Variants in ADAM12 observed in about 807,000 individuals in gnomAD.
ADAM12 encodes disintegrin and metalloproteinase domain-containing protein 12.
A neutral mutation model predicts 106.4 loss-of-function variants in ADAM12; 70 were observed. The ratio of observed to expected loss-of-function variants is 0.66; its 90% CI spans 0.54 to 0.80. The LOEUF is 0.80. Ranked by LOEUF, ADAM12 falls within the 30% of genes least tolerant of loss-of-function variation. The pLI, the probability that ADAM12 is intolerant of heterozygous loss-of-function variation, is 0.00. For missense variants in ADAM12, 1,010 were observed against 1,171.9 expected (o/e 0.86, Z 2.02); for synonymous variants, 420 against 433.5 (o/e 0.97, Z 0.39).
chr10:126,155,616 G>A lies in ADAM12; in HGVS notation c.261-311C>T, dbSNP rs188461359. ...ACACTGGGTGCACACACTTGCAAAG[G>A]CACACATTTGTCACACACATATACT... On this transcript the variant is annotated intron_variant, in intron 3 of 22. Transcript: ENST00000448723. 1.4e-3 allele frequency among the ~76,000 whole-genome samples: 219 copies of A among 152,144 alleles called. 2 individuals are homozygous for A. The highest frequency in any genetic ancestry group is 2.1e-3 in the Non-Finnish European group (143 of 68,004).
At chr10:126,097,992 A>G (rs975884667) in intron 10 of ADAM12, among the ~76,000 whole-genome samples, 2 of 152,220 alleles carry the variant, frequency 1.3e-5, no homozygotes, top group African/African-American at 4.8e-5. Context: ...AAAACCTCAG[A>G]CTTTGGGCCA....
Position 126,339,632 on chromosome 10 carries a change from T to C in ADAM12, c.89-9123A>G, listed in dbSNP as rs575509536. On this transcript the variant is annotated intron_variant, in intron 1 of 22. Transcript: ENST00000448723. ...GCAAACATCTATGACAGGTTTCTCATCAAGAGAACATGAATGTGAAAACCC... is the reference window on the plus strand; with the variant it reads ...GCAAACATCTATGACAGGTTTCTCACCAAGAGAACATGAATGTGAAAACCC... Among the ~76,000 whole-genome samples, 4 of 152,222 alleles carry C rather than the reference T, an allele frequency of 2.6e-5. No homozygotes were observed. In the South Asian group the frequency reaches 8.3e-4, roughly 32 times the overall value.
chr10:126,098,739 A>G (rs1401565999), intron 9 of ADAM12, among the ~76,000 whole-genome samples: 1 of 152,116 alleles, frequency 6.6e-6, no homozygotes, highest in Non-Finnish European at 1.5e-5. Flanking sequence ...ACTAGTTATT[A>G]CTTTTGTACT....
At position 126,152,558 on chromosome 10, in the gene ADAM12, C is replaced by CT. The variant is rs200337699; in HGVS notation, c.339+2668dup. 1.9e-3 allele frequency among the ~76,000 whole-genome samples: 292 copies of CT among 150,524 alleles called. 4 individuals carry two copies. Among genetic ancestry groups the CT allele is most frequent in the Middle Eastern group, 6.8e-3 (2 of 294 alleles). Reference sequence around the variant, plus strand: ...TTCTCTGATGTTACCACTACAGCAGCTTTTTTTTTGTTTTGTTTTGCTTTT... The same window carrying CT: ...TTCTCTGATGTTACCACTACAGCAGCTTTTTTTTTTGTTTTGTTTTGCTTTT... On this transcript the variant is annotated intron_variant, in intron 4 of 22. Coordinates refer to ENST00000448723, the MANE Select transcript of ADAM12 (RefSeq NM_001288973.2).
intron 2 of ADAM12, among the ~76,000 whole-genome samples, chr10:126,286,921 T>C (rs1307314402): frequency 6.6e-6 from 1 of 152,198 alleles, no homozygotes; most frequent in East Asian, 1.9e-4. Flanking sequence ...GTTCAAACGT[T>C]GGATTATTTT....
chr10:126,201,970 G>A lies in ADAM12; in HGVS notation c.261-46665C>T, dbSNP rs183543456. Among the ~76,000 whole-genome samples the A allele has an allele frequency of 1.6e-4, 24 of 152,304 alleles. No homozygotes were observed. The East Asian group carries it at 4.3e-3, about 27-fold the overall frequency. The stretch of plus-strand genomic sequence containing the variant: ...TAAAGAACGTCCAGGGAAAGAATGG[G>A]CGGGCCTTCTTTTTGCAAGGTCAGA... On this transcript the variant is annotated intron_variant, in intron 3 of 22. Transcript: ENST00000448723.
Position 126,043,131 on chromosome 10 carries a change from C to A in ADAM12, c.2013G>T (p.Lys671Asn). The part of the protein sequence containing the change: ...CHGRGVCNNR[K>N]NCHCEAHWAP... ...CCCAGTGGGCCTCGCAGTGGCAGTT[C>A]TTCCTGTTGTTGCACACCTTTCAGG... The change falls in exon 18 of 23, where the codon AAG becomes AAT. Residue 671 changes from lysine (K) to asparagine (N), a missense_variant. This residue lies in a region of ADAM12 where 615 missense variants were observed against 708.5 expected (regional missense o/e 0.87). Coordinates refer to ENST00000448723, the MANE Select transcript of ADAM12 (RefSeq NM_001288973.2). The surrounding 1 kb of genome is among the most constrained non-coding windows in gnomAD (Gnocchi z 4.1). 6.2e-7 allele frequency: 1 copy of A among 1,614,124 alleles called. No homozygotes were observed. Among genetic ancestry groups the A allele is most frequent in the Non-Finnish European group, 8.5e-7 (1 of 1,180,016 alleles).
intron 14 of ADAM12, among the ~76,000 whole-genome samples, chr10:126,051,524 GC>G (rs1954488926): frequency 8.3e-6 from 1 of 121,080 alleles, no homozygotes. Flanking sequence ...CATCCATCCA[GC>G]CAGCCAGCCA....
chr10:126,368,473 T>G (rs563191852), intron 1 of ADAM12, among the ~76,000 whole-genome samples: 19 of 152,062 alleles, frequency 1.2e-4, no homozygotes, highest in African/African-American at 4.6e-4. Context: ...ACTATGAGTT[T>G]ATCAATAATA....
chr10:126,121,138 CTA>C (rs1308579264), intron 5 of ADAM12, among the ~76,000 whole-genome samples: 1 of 17,784 alleles, frequency 5.6e-5, no homozygotes, highest in African/African-American at 3.0e-4. Flanking sequence ...ATACTATATA[CTA>C]TATATACTAT....
intron 21 of ADAM12, 134 bp from the exon 22 acceptor site, chr10:126,019,959 T>C (rs1590291825): frequency 1.8e-6 from 2 of 1,107,874 alleles, no homozygotes; most frequent in Non-Finnish European, 2.5e-6. Context: ...GGGTGGAGGC[T>C]GACCTCTGTT....
intron 1 of ADAM12, among the ~76,000 whole-genome samples, chr10:126,376,624 T>G (rs1856302733): frequency 6.6e-6 from 1 of 152,142 alleles, no homozygotes; most frequent in African/African-American, 2.4e-5. Context: ...TGAATAGCAT[T>G]AAAGGGAACA....
chr10:126,147,168 C>T (rs556132721), intron 4 of ADAM12, among the ~76,000 whole-genome samples: 2 of 152,324 alleles, frequency 1.3e-5, no homozygotes, highest in Non-Finnish European at 2.9e-5. Context: ...AGCAAATGCT[C>T]TCTATTTTTT....
intron 5 of ADAM12, among the ~76,000 whole-genome samples, chr10:126,122,231 C>T (rs1262564616): frequency 6.6e-6 from 1 of 152,128 alleles, no homozygotes; most frequent in Admixed American, 6.5e-5. Context: ...CATCCAAAGT[C>T]CAGATTGACT....
At chr10:126,185,953 A>T (rs1343590488) in intron 3 of ADAM12, among the ~76,000 whole-genome samples, 1 of 152,188 alleles carries the variant, frequency 6.6e-6, no homozygotes, top group Non-Finnish European at 1.5e-5. Flanking sequence ...CCAAAGTTTG[A>T]TGATATTTTG....
Position 126,017,326 on chromosome 10 carries a change from AT to A in ADAM12, c.2673del (p.Gln891HisfsTer45). 5.0e-6 allele frequency: 8 copies of A among 1,587,552 alleles called. No individual in the cohort carries two copies. Among genetic ancestry groups the A allele is most frequent in the Non-Finnish European group, 6.9e-6 (8 of 1,165,742 alleles). On this transcript the variant is annotated frameshift_variant, in exon 23 of 23. Coordinates refer to ENST00000448723, the MANE Select transcript of ADAM12 (RefSeq NM_001288973.2). LOFTEE classifies it low-confidence loss of function (END_TRUNC). ...LRLAPLRPAPQYPHQVPRSTH... is the reference protein window; with the variant it reads ...LRLAPLRPAPXYPHQVPRSTH... ...GTGGATCTGGGCACTTGGTGTGGAT[AT>A]TGTGGAGCAGGTCTGAATGAAGAGA... is the stretch of plus-strand genomic sequence containing the variant.
At chr10:126,134,736 A>G (rs779364711) in intron 5 of ADAM12, among the ~76,000 whole-genome samples, 1 of 152,188 alleles carries the variant, frequency 6.6e-6, no homozygotes, top group Non-Finnish European at 1.5e-5. Flanking sequence ...GAACCTGCAA[A>G]GACGTCACAG....
chr10:126,048,167 G>T (rs1468944234), intron 16 of ADAM12, among the ~76,000 whole-genome samples: 5 of 152,158 alleles, frequency 3.3e-5, no homozygotes, highest in Admixed American at 6.5e-5. Flanking sequence ...TGAGGGAGAG[G>T]ATCAGGAAGA....
At chr10:126,040,139 A>G (rs1244698708) in intron 18 of ADAM12, among the ~76,000 whole-genome samples, 1 of 152,322 alleles carries the variant, frequency 6.6e-6, no homozygotes, top group South Asian at 2.1e-4. Flanking sequence ...GGGTAGGGAA[A>G]GGAAGGAAAA....
Sources: gnomAD v4.1 joint callset for allele counts (sites outside exome capture counted in the v4.1 genomes callset) on GRCh38, gnomAD v4.1.1 for gene constraint, gnomAD v4.1.1 regional missense constraint, Gnocchi (gnomAD v3.1) non-coding constraint, MANE v1.5 for transcripts, NCBI Gene and HGNC (gene_info 2026-07-23, HGNC 2026-07-21) for gene names.